TRPV6: variants seen among roughly 807,000 people sequenced by gnomAD.
The protein encoded by TRPV6 is Alu-binding protein with zinc finger domain.
In TRPV6, 39 loss-of-function variants were observed where a neutral mutation model predicts 79.0. The ratio of observed to expected loss-of-function variants is 0.49; its 90% CI spans 0.38 to 0.64. The LOEUF (loss-of-function observed/expected upper bound fraction) is 0.64, where lower values mean the gene tolerates loss of function less well. Ranked by LOEUF, TRPV6 falls within the 30% of genes least tolerant of loss-of-function variation. The probability of loss-of-function intolerance (pLI) is 0.00; values close to 1 mark genes in which losing one functional copy is unlikely to be tolerated. For synonymous variants in TRPV6, 373 were observed against 391.9 expected (o/e 0.95, Z 0.57); for missense variants, 813 against 1,011.1 (o/e 0.80, Z 2.66).
chr7:142,878,094 G>T, intron 1 of TRPV6, 68 bp from the exon 2 acceptor site: 2 of 1,328,820 alleles, frequency 1.5e-6, no homozygotes, highest in Non-Finnish European at 2.2e-6. Flanking sequence ...AGAGGCCCTG[G>T]CTTGACTCCA....
chr7:142,873,394 C>CTTG lies in TRPV6; in HGVS notation c.1908+51_1908+53dup. 1 of 1,597,874 alleles carries CTTG rather than the reference C, an allele frequency of 6.3e-7. No individual in the cohort carries two copies. Among genetic ancestry groups the CTTG allele is most frequent in the Non-Finnish European group, 8.5e-7 (1 of 1,169,652 alleles). ...TCCTGTCTCTCAGCTTGGCAGGTTC[C>CTTG]TTGGTAGGAAGGGGATGACTTGCCC... is the stretch of plus-strand genomic sequence containing the variant. On this transcript the variant is annotated intron_variant, in intron 13 of 14. Transcript: ENST00000359396. The surrounding 1 kb of genome is among the most constrained non-coding windows in gnomAD (Gnocchi z 4.8).
chr7:142,873,424 CCT>C lies in TRPV6; in HGVS notation c.1908+22_1908+23del. On this transcript the variant is annotated intron_variant, in intron 13 of 14. Coordinates refer to ENST00000359396, the MANE Select transcript of TRPV6 (RefSeq NM_018646.6). The surrounding 1 kb of genome is among the most constrained non-coding windows in gnomAD (Gnocchi z 4.8). ...TAGGAAGGGGATGACTTGCCCTAAC[CCT>C]CCCTGCCACCAGGGGGCTCACCTGG... The C allele has an allele frequency of 6.2e-7, 1 of 1,610,968 alleles. No individual in the cohort carries two copies.
chr7:142,885,632 C>A lies in TRPV6; in HGVS notation c.5G>T (p.Gly2Val). The A allele has an allele frequency of 7.2e-7, 1 of 1,395,854 alleles. No homozygotes were observed. Among genetic ancestry groups the A allele is most frequent in the Non-Finnish European group, 9.6e-7 (1 of 1,041,288 alleles). The allele number at this position is 1,395,854 out of a possible 1,614,324, so 86.5% of individuals were successfully genotyped here. Residue 2 changes from glycine to valine, a missense_variant, in exon 1 of 15, where the codon GGA (glycine) becomes GTA (valine). Physicochemically the swap from Gly to Val is moderately radical, Grantham distance 109. This residue lies in a region of TRPV6 where 555 missense variants were observed against 631.0 expected (regional missense o/e 0.88). Coordinates refer to ENST00000359396, the MANE Select transcript of TRPV6 (RefSeq NM_018646.6). ...CGGCCCACCGTCTCCCTGTAGAGGT[C>A]CCGTCTCCTGTCTCCTGCCTTCCTG... is the stretch of plus-strand genomic sequence containing the variant.
intron 1 of TRPV6, chr7:142,883,243 G>A (rs1305494895): frequency 2.0e-5 from 3 of 152,334 alleles, no homozygotes; most frequent in Non-Finnish European, 2.9e-5. Flanking sequence ...TTGAGAGCTC[G>A]ACTTGGATCC....
Position 142,873,913 on chromosome 7 carries a change from C to T in TRPV6, c.1639+163G>A. 9.2e-7 allele frequency: 1 copy of T among 1,090,142 alleles called. No individual in the cohort carries two copies. Among genetic ancestry groups the T allele is most frequent in the Non-Finnish European group, 1.3e-6 (1 of 751,362 alleles). The allele number at this position is 1,090,142 out of a possible 1,614,324, so 67.5% of individuals were successfully genotyped here. ...TCCTAAGAGCCACCTCTCCCTAACACTCCCGATTTTTCTCACCTCTGGAGG... is the reference window on the plus strand; with the variant it reads ...TCCTAAGAGCCACCTCTCCCTAACATTCCCGATTTTTCTCACCTCTGGAGG... On this transcript the variant is annotated intron_variant, in intron 12 of 14. Transcript: ENST00000359396. This position sits in a 1 kb window ranked among gnomAD's most constrained non-coding sequence, Gnocchi z 4.8.
At chr7:142,885,334 G>A in intron 1 of TRPV6, 55 bp downstream of exon 1, 1 of 1,548,050 alleles carries the variant, frequency 6.5e-7, no homozygotes, top group Non-Finnish European at 8.7e-7. Flanking sequence ...AGGGGTGAGG[G>A]GTAGAGGTGC....
rs1424590570 is a variant in TRPV6 at position 142,871,535 on chromosome 7, G to T, written c.*172C>A. 2 of 810,404 alleles carry T rather than the reference G, an allele frequency of 2.5e-6. No homozygotes were observed. The highest frequency in any genetic ancestry group is 1.7e-5 in the African/African-American group (1 of 57,668). The allele number at this position is 810,404 out of a possible 1,614,324, so 50.2% of individuals were successfully genotyped here. ...CTTCCTCTGCCCCAGAGCTGAAGGA[G>T]TAATGCAGGCCTGGAGCAGTGATTC... is the stretch of plus-strand genomic sequence containing the variant. On this transcript the variant is annotated 3_prime_UTR_variant, in exon 15 of 15. Transcript: ENST00000359396.
intron 1 of TRPV6, chr7:142,883,177 G>A (rs1795228150): frequency 6.6e-6 from 1 of 152,216 alleles, no homozygotes; most frequent in Non-Finnish European, 1.5e-5. Flanking sequence ...TTAAATATCA[G>A]GAAGTGAGAA....
chr7:142,878,011 AG>A lies in TRPV6; in HGVS notation c.263del (p.Pro88LeufsTer4). The A allele has an allele frequency of 1.2e-6, 2 of 1,614,070 alleles. No homozygotes were observed. Among genetic ancestry groups the A allele is most frequent in the South Asian group, 2.2e-5 (2 of 91,068 alleles). On this transcript the variant is annotated frameshift_variant, in exon 2 of 15. Transcript: ENST00000359396. LOFTEE classifies it high-confidence loss of function. Reference sequence around the variant, plus strand: ...CATTATCTTTGGCAGCTAGAAGGAGAGGAGACTCCCAGATCCTATGAAGGGA... The same window carrying A: ...CATTATCTTTGGCAGCTAGAAGGAGAGAGACTCCCAGATCCTATGAAGGGA...
Position 142,885,500 on chromosome 7 carries a change from G to A in TRPV6, c.137C>T (p.Pro46Leu). Reference sequence around the variant, plus strand: ...GCAGAGAATTAGCCCTTTCTCCTTGGGCAGTGACAAACCCATGGGGTGTAG... The same window carrying A: ...GCAGAGAATTAGCCCTTTCTCCTTGAGCAGTGACAAACCCATGGGGTGTAG... Residue 46 changes from proline (P) to leucine (L), a missense_variant, in exon 1 of 15, where the codon CCC (proline) becomes CTC (leucine). Pro to Leu is a moderately conservative substitution (Grantham distance 98). Coordinates refer to ENST00000359396, the MANE Select transcript of TRPV6 (RefSeq NM_018646.6). The A allele has an allele frequency of 6.2e-7, 1 of 1,613,050 alleles. No homozygotes were observed. Among genetic ancestry groups the A allele is most frequent in the Non-Finnish European group, 8.5e-7 (1 of 1,179,390 alleles).
At chr7:142,875,377 G>T in intron 8 of TRPV6, 91 bp downstream of exon 8, 1 of 1,395,814 alleles carries the variant, frequency 7.2e-7, no homozygotes, top group South Asian at 1.4e-5. Context: ...AGAGCAAGGG[G>T]AGAAATGGTG....
chr7:142,877,029 C>T (rs1563356010), intron 4 of TRPV6, 113 bp downstream of exon 4: 2 of 1,474,844 alleles, frequency 1.4e-6, no homozygotes, highest in South Asian at 1.4e-5. Flanking sequence ...AAGGATTGCT[C>T]CTCCCAGCTG....
chr7:142,879,372 C>G (rs931629425), intron 1 of TRPV6: 3 of 152,202 alleles, frequency 2.0e-5, no homozygotes, highest in African/African-American at 7.2e-5. Flanking sequence ...TGCTAAAAAT[C>G]TCTTTTAAAA....
In TRPV6 at chr7:142,877,202, C is replaced by T; in HGVS notation, c.547G>A (p.Val183Ile). ...GCAGTGCCTGTGGCTCTGGCAGAGACACTGGCCCTGCGGGCAAGCAGGGCT... is the reference window on the plus strand; with the variant it reads ...GCAGTGCCTGTGGCTCTGGCAGAGATACTGGCCCTGCGGGCAAGCAGGGCT... The change falls in exon 4 of 15, where the codon GTC becomes ATC. Residue 183 changes from valine to isoleucine, a missense_variant. By Grantham distance (29) the Val-to-Ile change is conservative. This residue lies in a region of TRPV6 where 555 missense variants were observed against 631.0 expected (regional missense o/e 0.88). Transcript: ENST00000359396. The T allele has an allele frequency of 6.2e-7, 1 of 1,614,234 alleles. No individual in the cohort carries two copies. The highest frequency in any genetic ancestry group is 8.5e-7 in the Non-Finnish European group (1 of 1,180,036).
chr7:142,879,481 CTATT>C (rs1795151302), intron 1 of TRPV6: 2 of 152,208 alleles, frequency 1.3e-5, no homozygotes, highest in Admixed American at 1.3e-4. Flanking sequence ...TGAAATAACT[CTATT>C]TATCCATAGT....
Position 142,874,767 on chromosome 7 carries a change from C to T in TRPV6, c.1407-111G>A, listed in dbSNP as rs889345793. The T allele has an allele frequency of 8.4e-6, 13 of 1,548,974 alleles. No individual in the cohort carries two copies. The African/African-American group carries it at 1.4e-4, about 16-fold the overall frequency. Reference sequence around the variant, plus strand: ...CACACATGCAGATTCAGCCTCCCCACACTCAATGCCCAGGGTCATACACAC... The same window carrying T: ...CACACATGCAGATTCAGCCTCCCCATACTCAATGCCCAGGGTCATACACAC... On this transcript the variant is annotated intron_variant, in intron 10 of 14. Transcript: ENST00000359396.
intron 14 of TRPV6, 123 bp from the exon 15 acceptor site, chr7:142,872,112 A>ATCC: frequency 7.2e-7 from 1 of 1,383,980 alleles, no homozygotes; most frequent in Non-Finnish European, 9.6e-7. Flanking sequence ...CCTTTTCTGC[A>ATCC]GCCATGGTGG....
At chr7:142,882,095 G>C (rs1173407336) in intron 1 of TRPV6, 2 of 152,244 alleles carry the variant, frequency 1.3e-5, no homozygotes, top group Non-Finnish European at 2.9e-5. Flanking sequence ...AGAGGAGTTA[G>C]AGAAGACAGG....
chr7:142,874,602 G>A lies in TRPV6; in HGVS notation c.1461C>T (p.Ala487=), dbSNP rs1795014055. 2 of 1,614,038 alleles carry A rather than the reference G, an allele frequency of 1.2e-6. No individual in the cohort carries two copies. Among genetic ancestry groups the A allele is most frequent in the African/African-American group, 2.7e-5 (2 of 74,914 alleles). Reference sequence around the variant, plus strand: ...AGGACATGGGTACCACCTCCCCGCTGGCACTGATGAGCCGCATCACCATGG... The same window carrying A: ...AGGACATGGGTACCACCTCCCCGCTAGCACTGATGAGCCGCATCACCATGG... Residue 487 remains alanine (A), a synonymous_variant, in exon 11 of 15, where the codon GCC becomes GCT. Transcript: ENST00000359396.
Sources: allele counts gnomAD v4.1 joint callset, GRCh38; gene constraint gnomAD v4.1.1; regional missense constraint gnomAD v4.1.1; non-coding constraint Gnocchi (gnomAD v3.1); transcripts MANE v1.5; gene names NCBI Gene and HGNC (gene_info 2026-07-23, HGNC 2026-07-21).